LIMK2: variants seen among roughly 807,000 people sequenced by gnomAD.
The protein encoded by LIMK2 is LIM domain kinase 2.
Under a neutral mutation model 75.7 loss-of-function variants are expected in LIMK2, and 35 were observed. The observed-to-expected ratio is 0.46, with a 90% confidence interval of 0.35 to 0.61. LIMK2 has a LOEUF of 0.61. Ranked by LOEUF, LIMK2 falls within the 20% of genes least tolerant of loss-of-function variation. The pLI, the probability that LIMK2 is intolerant of heterozygous loss-of-function variation, is 0.00. For synonymous variants in LIMK2, 301 were observed against 319.2 expected (o/e 0.94, Z 0.61); for missense variants, 623 against 831.0 (o/e 0.75, Z 3.08).
In LIMK2 at chr22:31,271,149, CTA is replaced by C. The variant is rs1446960462; in HGVS notation, c.1333_1334del (p.Met445ValfsTer71). The C allele has an allele frequency of 6.2e-7, 1 of 1,613,988 alleles. No individual in the cohort carries two copies. Among genetic ancestry groups the C allele is most frequent in the Non-Finnish European group, 8.5e-7 (1 of 1,179,854 alleles). On this transcript the variant is annotated frameshift_variant, in exon 12 of 16. Coordinates refer to ENST00000331728, the MANE Select transcript of LIMK2 (RefSeq NM_005569.4). LOFTEE classifies it high-confidence loss of function. ...CTTCTGTTCCAGGCCTATTTGCACT[CTA>C]TGTGCATCATCCACCGGGATCTGAA...
In LIMK2 at chr22:31,259,874, G is replaced by C. The variant is rs1450959491; in HGVS notation, c.363-15G>C. On this transcript the variant is annotated splice_polypyrimidine_tract_variant and intron_variant, in intron 4 of 15. Transcript: ENST00000331728. ...GGACTCTAGCATCTTATTCCCCCCT[G>C]TGCCCTCTCCCCAGTGGGAAGTGCC... is the stretch of plus-strand genomic sequence containing the variant. 3 of 1,596,982 alleles carry C rather than the reference G, an allele frequency of 1.9e-6. No homozygotes were observed. The highest frequency in any genetic ancestry group is 1.9e-4 in the Middle Eastern group (1 of 5,314).
intron 2 of LIMK2, among the ~76,000 whole-genome samples, chr22:31,228,021 CGTGTGTGTGTGT>C (rs66641491): frequency 2.0e-5 from 3 of 147,534 alleles, no homozygotes; most frequent in African/African-American, 7.4e-5. Context: ...TCTGTGCGTG[CGTGTGTGTGTGT>C]GTGTGTGTGT....
intron 2 of LIMK2, among the ~76,000 whole-genome samples, chr22:31,256,545 G>A (rs1316052075): frequency 2.0e-5 from 3 of 151,624 alleles, no homozygotes; most frequent in Non-Finnish European, 4.4e-5. Context: ...TCACCATGTT[G>A]GCCAGGCTGG....
chr22:31,249,101 T>A (rs2048699927), intron 2 of LIMK2, among the ~76,000 whole-genome samples: 1 of 152,052 alleles, frequency 6.6e-6, no homozygotes, highest in African/African-American at 2.4e-5. Flanking sequence ...CCAAATAGAG[T>A]GCTGTTTCCA....
rs140285299 is a variant in LIMK2, at chr22:31,243,141, C to T, written c.117-15150C>T. On this transcript the variant is annotated intron_variant, in intron 2 of 15. Transcript: ENST00000331728. ...TTCTCCATGTTGGCCAGGTTGGTCA[C>T]GAACACTTGACCTCAAGTGATCTGC... Among the ~76,000 whole-genome samples, 826 of 152,318 alleles carry T rather than the reference C, an allele frequency of 5.4e-3. 10 individuals carry two copies. The highest frequency in any genetic ancestry group is 6.6e-3 in the Non-Finnish European group (446 of 68,034).
At chr22:31,243,265 A>G (rs1402131161) in intron 2 of LIMK2, among the ~76,000 whole-genome samples, 1 of 152,170 alleles carries the variant, frequency 6.6e-6, no homozygotes, top group Non-Finnish European at 1.5e-5. Context: ...TAATGTAGAA[A>G]GTGATTTGGA....
In LIMK2 at chr22:31,256,968, T is replaced by C. The variant is rs2048788880; in HGVS notation, c.117-1323T>C. On this transcript the variant is annotated intron_variant, in intron 2 of 15. Coordinates refer to ENST00000331728, the MANE Select transcript of LIMK2 (RefSeq NM_005569.4). ...GGAAGAGGTTGTCTGTGCAGGTAAG[T>C]CCTGAGAACACACCAGACTTTTGAG... Among the ~76,000 whole-genome samples, 5 of 149,572 alleles carry C rather than the reference T, an allele frequency of 3.3e-5. No individual in the cohort carries two copies. The Admixed American group carries it at 3.4e-4, about 10-fold the overall frequency.
intron 15 of LIMK2, chr22:31,276,844 G>A (rs1157759094): frequency 6.2e-7 from 1 of 1,611,976 alleles, no homozygotes; most frequent in Non-Finnish European, 8.5e-7. Context: ...TGAGGGCCCA[G>A]TGAGGCGCCA....
chr22:31,232,481 A>C (rs886999329), intron 2 of LIMK2, among the ~76,000 whole-genome samples: 1 of 152,234 alleles, frequency 6.6e-6, no homozygotes, highest in African/African-American at 2.4e-5. Flanking sequence ...AGCACATGGC[A>C]ACATTGTGCA....
intron 15 of LIMK2, among the ~76,000 whole-genome samples, chr22:31,277,810 GAA>G (rs2049047423): frequency 6.6e-6 from 1 of 152,076 alleles, no homozygotes; most frequent in African/African-American, 2.4e-5. Context: ...AGATGCTATG[GAA>G]AAAGAGTCAA....
At chr22:31,227,047 A>T (rs2123777797) in intron 2 of LIMK2, among the ~76,000 whole-genome samples, 1 of 152,368 alleles carries the variant, frequency 6.6e-6, no homozygotes, top group Admixed American at 6.5e-5. Flanking sequence ...GATTGAATGA[A>T]ATAATATATG....
chr22:31,268,862 T>C (rs1300097160), intron 11 of LIMK2, among the ~76,000 whole-genome samples: 6 of 152,208 alleles, frequency 3.9e-5, no homozygotes, highest in Non-Finnish European at 8.8e-5. Context: ...CTAATCAGTC[T>C]GGTCGCCAAG....
intron 1 of LIMK2, among the ~76,000 whole-genome samples, chr22:31,220,106 G>A (rs935882850): frequency 2.0e-5 from 3 of 151,958 alleles, no homozygotes; most frequent in Non-Finnish European, 4.4e-5. Context: ...AAGGTGGTAA[G>A]AGAATAGATC....
chr22:31,216,344 G>C (rs1047063073), intron 1 of LIMK2, among the ~76,000 whole-genome samples: 1 of 152,194 alleles, frequency 6.6e-6, no homozygotes, highest in Non-Finnish European at 1.5e-5. Flanking sequence ...ACGTGTGGTA[G>C]AGGCAAGGAT....
At chr22:31,276,503 C>T (rs1273802412) in intron 15 of LIMK2, among the ~76,000 whole-genome samples, 1 of 139,406 alleles carries the variant, frequency 7.2e-6, no homozygotes, top group Non-Finnish European at 1.6e-5. Flanking sequence ...GCGGGCGGAT[C>T]GGCGGGGAGG....
At chr22:31,265,849 T>G in intron 7 of LIMK2, 97 bp from the exon 8 acceptor site, 1 of 904,662 alleles carries the variant, frequency 1.1e-6, no homozygotes, top group Non-Finnish European at 1.7e-6. Context: ...CTATAGACAT[T>G]GGAATGAACA....
intron 2 of LIMK2, among the ~76,000 whole-genome samples, chr22:31,257,040 A>ATTTTTTTTTTTTTTTTTTT (rs529919320): frequency 8.0e-5 from 6 of 75,078 alleles, no homozygotes; most frequent in Non-Finnish European, 1.5e-4. Context: ...GGAGCTATAG[A>ATTTTTTTTTTTTTTTTTTT]TTTTTTTTTT....
intron 2 of LIMK2, among the ~76,000 whole-genome samples, chr22:31,229,916 A>G (rs2048512404): frequency 6.6e-6 from 1 of 152,152 alleles, no homozygotes; most frequent in Non-Finnish European, 1.5e-5. Context: ...TCTGTCAGTA[A>G]TTGTGCTGGT....
chr22:31,278,367 C>T lies in LIMK2; in HGVS notation c.1843C>T (p.Leu615=), dbSNP rs1182251650. The change falls in exon 16 of 16, where the codon CTG becomes TTG. Residue 615 remains leucine (L), a synonymous_variant. Transcript: ENST00000331728. ...GTACCTGGGGGAGCTGGGCATCCCG[C>T]TGCCTGCAGAGCTGGAGGAGTTGGA... ...SLYLGELGIP[L]PAELEELDHT... is the part of the protein sequence containing the mutation. The T allele has an allele frequency of 3.1e-6, 5 of 1,613,874 alleles. No homozygotes were observed. The African/African-American group carries it at 6.7e-5, about 22-fold the overall frequency.
Sources: allele counts gnomAD v4.1 joint callset (sites outside exome capture counted in the v4.1 genomes callset), GRCh38; gene constraint gnomAD v4.1.1; transcripts MANE v1.5; gene names NCBI Gene and HGNC (gene_info 2026-07-23, HGNC 2026-07-21).